Variants in FER1L6 observed in about 807,000 individuals in gnomAD.
FER1L6 encodes the protein fer-1-like protein 6.
A neutral mutation model predicts 219.2 loss-of-function variants in FER1L6; 177 were observed. The observed-to-expected ratio is 0.81, with a 90% CI of 0.71 to 0.91. FER1L6 has a LOEUF of 0.91. Ranked by LOEUF, FER1L6 falls within the 40% of genes least tolerant of loss-of-function variation. FER1L6 has a pLI of 0.00. For synonymous variants in FER1L6, 768 were observed against 824.3 expected, an observed-to-expected ratio of 0.93 and a Z score of 1.17; for missense variants, 2,153 against 2,259.9, an observed-to-expected ratio of 0.95 and a Z score of 0.96.
At chr8:123,910,293 A>G (rs977000552) in intron 1 of FER1L6, among the ~76,000 whole-genome samples, 5 of 152,234 alleles carry the variant, frequency 3.3e-5, no homozygotes, top group Non-Finnish European at 5.9e-5. Context: ...GACTGGGGAA[A>G]GAGTAAGACA....
chr8:123,927,800 T>C (rs1813624082), intron 1 of FER1L6, among the ~76,000 whole-genome samples: 1 of 152,228 alleles, frequency 6.6e-6, no homozygotes, highest in Non-Finnish European at 1.5e-5. Flanking sequence ...TTATCTTGGT[T>C]AGAGAGCTGA....
chr8:123,964,862 C>G (rs1815464995), intron 3 of FER1L6, among the ~76,000 whole-genome samples: 1 of 152,144 alleles, frequency 6.6e-6, no homozygotes, highest in Non-Finnish European at 1.5e-5. Context: ...TTTCTTTACC[C>G]TATGACACAT....
At chr8:123,995,530 A>G (rs998460473) in intron 12 of FER1L6, among the ~76,000 whole-genome samples, 8 of 151,526 alleles carry the variant, frequency 5.3e-5, no homozygotes, top group Non-Finnish European at 1.2e-4. Flanking sequence ...TCTCCTTTTT[A>G]TCTCTGATTT....
rs146024552 is a variant in FER1L6 at position 124,007,449 on chromosome 8, C to T, written c.1701-3145C>T. ...GGTTTGGGGGAAAACCTGGTCAAAA[C>T]AATAGCTGTCATTAGGCAGGGAACT... On this transcript the variant is annotated intron_variant, in intron 13 of 40. Coordinates refer to ENST00000522917, the MANE Select transcript of FER1L6 (RefSeq NM_001039112.2). Among the ~76,000 whole-genome samples, 80 of 152,250 alleles carry T rather than the reference C, an allele frequency of 5.3e-4. 1 individual carries two copies. In the East Asian group the frequency reaches 0.015, roughly 29 times the overall value.
At chr8:123,857,362 T>C (rs889063619) in intron 1 of FER1L6, among the ~76,000 whole-genome samples, 1 of 151,986 alleles carries the variant, frequency 6.6e-6, no homozygotes, top group Non-Finnish European at 1.5e-5. Context: ...TTTTAAAAAT[T>C]AGCCAGACAT....
chr8:124,101,597 G>T (rs1563801281), intron 38 of FER1L6, among the ~76,000 whole-genome samples: 1 of 152,134 alleles, frequency 6.6e-6, no homozygotes, highest in Non-Finnish European at 1.5e-5. Context: ...GCTAATTACT[G>T]GTCTGCTCTG....
At chr8:124,027,834 T>A (rs918694818) in intron 18 of FER1L6, among the ~76,000 whole-genome samples, 1 of 152,192 alleles carries the variant, frequency 6.6e-6, no homozygotes, top group Non-Finnish European at 1.5e-5. Flanking sequence ...AGCACTGAGA[T>A]TACAGACGAG....
intron 22 of FER1L6, among the ~76,000 whole-genome samples, chr8:124,055,256 T>C (rs376715825): frequency 1.1e-4 from 17 of 152,230 alleles, no homozygotes; most frequent in African/African-American, 3.1e-4. Context: ...CTAGGCGATA[T>C]GGCGAGACCA....
At chr8:123,912,298 A>G (rs1288859016) in intron 1 of FER1L6, among the ~76,000 whole-genome samples, 1 of 151,086 alleles carries the variant, frequency 6.6e-6, no homozygotes, top group Non-Finnish European at 1.5e-5. Flanking sequence ...AGAAGAAGAA[A>G]GCCTACTAAG....
At chr8:124,103,124 T>G (rs1332077306) in intron 38 of FER1L6, 22 bp from the exon 39 acceptor site, 2 of 1,608,620 alleles carry the variant, frequency 1.2e-6, no homozygotes, top group East Asian at 4.5e-5. Flanking sequence ...CTTCCCTAAC[T>G]GTTAGGGTCA....
chr8:124,021,556 A>G lies in FER1L6; in HGVS notation c.2020A>G (p.Met674Val). The G allele has an allele frequency of 1.2e-6, 2 of 1,614,008 alleles. No homozygotes were observed. Among genetic ancestry groups the G allele is most frequent in the Admixed American group, 1.7e-5 (1 of 60,026 alleles). The change falls in exon 17 of 41, where the codon ATG becomes GTG. Residue 674 changes from methionine to valine, a missense_variant. Transcript: ENST00000522917. The part of the protein sequence containing the change: ...LTLCWQELEA[M>V]CKEAKGIIQQ... ...GACTCTTGTCTTGTTTTAGGAAGCA[A>G]TGTGCAAGGAGGCCAAGGGGATCAT...
chr8:123,879,055 GA>G (rs533705847), intron 1 of FER1L6, among the ~76,000 whole-genome samples: 46 of 152,298 alleles, frequency 3.0e-4, no homozygotes, highest in African/African-American at 1.1e-3. Flanking sequence ...AAGGGAGAAA[GA>G]AAGTGCCTAA....
Position 123,937,983 on chromosome 8 carries a change from A to G in FER1L6, c.-7-18009A>G, listed in dbSNP as rs1299688242. Among the ~76,000 whole-genome samples the G allele has an allele frequency of 3.3e-5, 5 of 152,354 alleles. No individual in the cohort carries two copies. The East Asian group carries it at 7.7e-4, about 23-fold the overall frequency. ...CTAGGCCTTATTTCTCCATCTAAAA[A>G]TAGTTCTACTTACTGCCAAGATTAT... is the stretch of plus-strand genomic sequence containing the variant. On this transcript the variant is annotated intron_variant, in intron 1 of 40. Transcript: ENST00000522917.
chr8:124,118,170 C>T (rs1226359235), intron 39 of FER1L6, among the ~76,000 whole-genome samples: 1 of 152,136 alleles, frequency 6.6e-6, no homozygotes, highest in African/African-American at 2.4e-5. Context: ...AAGGCGTGAA[C>T]AAGAGAAAAT....
intron 22 of FER1L6, among the ~76,000 whole-genome samples, chr8:124,058,361 C>T (rs1286185276): frequency 1.3e-5 from 2 of 152,198 alleles, no homozygotes; most frequent in Non-Finnish European, 1.5e-5. Context: ...AGACCAACTA[C>T]CCATCCTGCT....
At chr8:123,866,096 C>T (rs1048905683) in intron 1 of FER1L6, among the ~76,000 whole-genome samples, 8 of 151,956 alleles carry the variant, frequency 5.3e-5, no homozygotes, top group African/African-American at 7.3e-5. Flanking sequence ...AATAAACATA[C>T]GTGTGCATGT....
intron 1 of FER1L6, among the ~76,000 whole-genome samples, chr8:123,867,793 A>G (rs570528425): frequency 8.5e-5 from 13 of 152,290 alleles, no homozygotes; most frequent in African/African-American, 3.1e-4. Flanking sequence ...ATTGAAGCAT[A>G]ATGAACTTAC....
intron 15 of FER1L6, among the ~76,000 whole-genome samples, chr8:124,016,597 G>A (rs1818211005): frequency 6.6e-6 from 1 of 152,082 alleles, no homozygotes. Context: ...ACACCCTCAT[G>A]TCCACACTCA....
At chr8:124,049,961 A>C (rs1413342503) in intron 22 of FER1L6, among the ~76,000 whole-genome samples, 1 of 152,204 alleles carries the variant, frequency 6.6e-6, no homozygotes, top group Non-Finnish European at 1.5e-5. Context: ...ATAAGTCAGA[A>C]TCTCAGGATG....
Sources: allele counts gnomAD v4.1 joint callset (sites outside exome capture counted in the v4.1 genomes callset), GRCh38; gene constraint gnomAD v4.1.1; transcripts MANE v1.5; gene names NCBI Gene and HGNC (gene_info 2026-07-23, HGNC 2026-07-21).